PLBD1: variants seen among roughly 807,000 people sequenced by gnomAD.
PLBD1 encodes the protein phospholipase B domain containing 1, also known as lysosomal leucine aminopeptidase.
PLBD1 carries 60 observed loss-of-function variants against 63.0 expected under a neutral mutation model. The ratio of observed to expected loss-of-function variants is 0.95; its 90% confidence interval spans 0.77 to 1.18. The LOEUF is 1.18. PLBD1 is among the 50% of genes most tolerant of loss of function. The pLI is 0.00. For synonymous variants in PLBD1, 262 were observed against 248.0 expected, an observed-to-expected ratio of 1.06 and a Z score of -0.53; for missense variants, 598 against 677.9, an observed-to-expected ratio of 0.88 and a Z score of 1.31.
chr12:14,535,555 A>T, intron 6 of PLBD1, 104 bp downstream of exon 6: 1 of 1,246,830 alleles, frequency 8.0e-7, no homozygotes, highest in Non-Finnish European at 1.1e-6. Context: ...AATATATACT[A>T]ACCATTAAAC....
intron 2 of PLBD1, among the ~76,000 whole-genome samples, chr12:14,548,897 T>C (rs1429006363): frequency 6.6e-6 from 1 of 152,204 alleles, no homozygotes; most frequent in Non-Finnish European, 1.5e-5. Context: ...GCTGCTTTAT[T>C]AAAAACTAGA....
At chr12:14,510,040 TCTTTGGG>T (rs1945284687) in intron 8 of PLBD1, among the ~76,000 whole-genome samples, 3 of 152,164 alleles carry the variant, frequency 2.0e-5, no homozygotes, top group African/African-American at 7.2e-5. Flanking sequence ...CATTACAGTC[TCTTTGGG>T]AAACACCTCA....
chr12:14,545,271 C>T (rs1592006357), intron 2 of PLBD1, among the ~76,000 whole-genome samples: 2 of 152,348 alleles, frequency 1.3e-5, no homozygotes, highest in East Asian at 3.9e-4. Context: ...CTCCTTTCTA[C>T]AAGCAGTTAA....
At chr12:14,556,963 C>G (rs1283379068) in intron 1 of PLBD1, among the ~76,000 whole-genome samples, 6 of 78,326 alleles carry the variant, frequency 7.7e-5, no homozygotes, top group Non-Finnish European at 1.2e-4. Context: ...TCAGCCTGGG[C>G]AACAAACAAG....
At chr12:14,514,030 C>T (rs1945320247) in intron 6 of PLBD1, among the ~76,000 whole-genome samples, 2 of 152,116 alleles carry the variant, frequency 1.3e-5, no homozygotes, top group African/African-American at 4.8e-5. Context: ...CTGCCCGCCT[C>T]GGCCTCCCAA....
At chr12:14,515,997 A>G (rs765407966) in intron 6 of PLBD1, among the ~76,000 whole-genome samples, 4 of 151,746 alleles carry the variant, frequency 2.6e-5, no homozygotes, top group Non-Finnish European at 5.9e-5. Flanking sequence ...TGAATTGGCC[A>G]CTGCACTCCA....
At chr12:14,561,241 C>T (rs868089342) in intron 1 of PLBD1, among the ~76,000 whole-genome samples, 7 of 151,232 alleles carry the variant, frequency 4.6e-5, no homozygotes, top group Non-Finnish European at 8.8e-5. Flanking sequence ...AGAAAAATGC[C>T]GGAGATTTGC....
At chr12:14,558,898 G>C (rs187487989) in intron 1 of PLBD1, among the ~76,000 whole-genome samples, 201 of 152,176 alleles carry the variant, frequency 1.3e-3, no homozygotes, top group Non-Finnish European at 8.8e-4. Flanking sequence ...ATCCCCAAGA[G>C]ATTTTGGTGA....
chr12:14,528,512 T>C (rs374386688), intron 6 of PLBD1, among the ~76,000 whole-genome samples: 99 of 152,220 alleles, frequency 6.5e-4, no homozygotes, highest in African/African-American at 2.3e-3. Flanking sequence ...AAATAAATCG[T>C]GATAAATTAG....
At chr12:14,539,745 C>T (rs531525732) in intron 4 of PLBD1, among the ~76,000 whole-genome samples, 24 of 151,128 alleles carry the variant, frequency 1.6e-4, no homozygotes, top group Non-Finnish European at 3.4e-4. Context: ...AAGATCATGC[C>T]ACTGCACTCC....
At chr12:14,540,729 T>C in intron 4 of PLBD1, 35 bp downstream of exon 4, 2 of 1,521,718 alleles carry the variant, frequency 1.3e-6, no homozygotes, top group South Asian at 2.6e-5. Flanking sequence ...CTTACCATAC[T>C]CTATAAATTC....
Position 14,559,620 on chromosome 12 carries a change from T to A in PLBD1, c.116-6208A>T, listed in dbSNP as rs559913833. ...CTATTTGTTGGTATTTTCTTTAGAG[T>A]TGTGAAAAGGAAAAGTCAGAATTCA... On this transcript the variant is annotated intron_variant, in intron 1 of 10. Transcript: ENST00000240617. Among the ~76,000 whole-genome samples, 4 of 152,164 alleles carry A rather than the reference T, an allele frequency of 2.6e-5. No individual in the cohort carries two copies. In the South Asian group the frequency reaches 6.2e-4, roughly 24 times the overall value.
chr12:14,514,009 G>A (rs543728839), intron 6 of PLBD1, among the ~76,000 whole-genome samples: 1 of 152,248 alleles, frequency 6.6e-6, no homozygotes, highest in East Asian at 1.9e-4. Flanking sequence ...TCGATCTCCT[G>A]ACCTCATGAT....
intron 2 of PLBD1, among the ~76,000 whole-genome samples, chr12:14,550,081 G>A (rs908104452): frequency 6.6e-6 from 1 of 152,098 alleles, no homozygotes; most frequent in Non-Finnish European, 1.5e-5. Flanking sequence ...CCAGCCAAAC[G>A]CAGTAGTTCT....
At chr12:14,506,473 C>T (rs1320289849) in intron 9 of PLBD1, among the ~76,000 whole-genome samples, 1 of 152,210 alleles carries the variant, frequency 6.6e-6, no homozygotes, top group East Asian at 1.9e-4. Flanking sequence ...CCAGCCTGCC[C>T]TCAAGAACCT....
In PLBD1 at chr12:14,567,782, T is replaced by C; in HGVS notation, c.-86A>G. On this transcript the variant is annotated 5_prime_UTR_variant, in exon 1 of 11. Transcript: ENST00000240617. ...GAAGTTGCAAGAGAGGCTCCTGGCCTACTCAGGGGCGCCGCCTCTCCGAGG... is the reference window on the plus strand; with the variant it reads ...GAAGTTGCAAGAGAGGCTCCTGGCCCACTCAGGGGCGCCGCCTCTCCGAGG... 4 of 1,349,716 alleles carry C rather than the reference T, an allele frequency of 3.0e-6. No individual in the cohort carries two copies. Among genetic ancestry groups the C allele is most frequent in the Non-Finnish European group, 3.8e-6 (4 of 1,056,890 alleles). The allele number at this position is 1,349,716 out of a possible 1,614,324, so 83.6% of individuals were successfully genotyped here. A position where few individuals can be genotyped will look rare whatever the true frequency, so the allele number is the denominator to read the frequency against.
intron 6 of PLBD1, among the ~76,000 whole-genome samples, chr12:14,533,718 G>C (rs761197907): frequency 1.3e-5 from 2 of 152,192 alleles, no homozygotes; most frequent in Non-Finnish European, 2.9e-5. Context: ...GTCTAACTCA[G>C]AGAGAGGAGT....
intron 6 of PLBD1, among the ~76,000 whole-genome samples, chr12:14,518,030 A>T (rs1945348302): frequency 6.6e-6 from 1 of 152,064 alleles, no homozygotes; most frequent in Non-Finnish European, 1.5e-5. Flanking sequence ...AAAATACAAA[A>T]ATTAGCCGGG....
At chr12:14,533,804 A>C (rs1945487828) in intron 6 of PLBD1, among the ~76,000 whole-genome samples, 2 of 152,216 alleles carry the variant, frequency 1.3e-5, no homozygotes, top group Admixed American at 6.5e-5. Flanking sequence ...CAAAGAAAGG[A>C]TCAGGTCACA....
Sources: gnomAD v4.1 joint callset for allele counts (sites outside exome capture counted in the v4.1 genomes callset) on GRCh38, gnomAD v4.1.1 for gene constraint, MANE v1.5 for transcripts, NCBI Gene and HGNC (gene_info 2026-07-23, HGNC 2026-07-21) for gene names.